DPYD: variants seen among roughly 807,000 people sequenced by gnomAD.
DPYD encodes the protein dihydropyrimidine dehydrogenase.
DPYD carries 109 observed loss-of-function variants against 116.2 expected under a neutral mutation model. The observed-to-expected ratio is 0.94, with a 90% CI of 0.80 to 1.10. The LOEUF is 1.10. Ranked by LOEUF, DPYD falls within the 50% of genes least tolerant of loss-of-function variation. DPYD has a pLI of 0.00. For synonymous variants in DPYD, 440 were observed against 432.0 expected, an observed-to-expected ratio of 1.02 and a Z score of -0.23; for missense variants, 1,302 against 1,254.5, an observed-to-expected ratio of 1.04 and a Z score of -0.57.
At chr1:97,838,758 T>A (rs2101525876) in intron 2 of DPYD, among the ~76,000 whole-genome samples, 1 of 152,024 alleles carries the variant, frequency 6.6e-6, no homozygotes, top group Admixed American at 6.6e-5. Flanking sequence ...GGCAGGAGAA[T>A]GGCGTGAACC....
intron 8 of DPYD, among the ~76,000 whole-genome samples, chr1:97,638,861 C>T (rs1166875449): frequency 1.3e-5 from 2 of 152,094 alleles, no homozygotes; most frequent in Non-Finnish European, 2.9e-5. Context: ...CATGAGGGAT[C>T]TAGTCCCATG....
At chr1:97,396,118 CTATT>C (rs1472503758) in intron 14 of DPYD, among the ~76,000 whole-genome samples, 1 of 152,016 alleles carries the variant, frequency 6.6e-6, no homozygotes, top group Admixed American at 6.6e-5. Context: ...ACAATAAGAA[CTATT>C]ACATGCTGTG....
At chr1:97,150,020 G>A (rs540811895) in intron 20 of DPYD, among the ~76,000 whole-genome samples, 26 of 152,214 alleles carry the variant, frequency 1.7e-4, no homozygotes, top group Middle Eastern at 3.4e-3. Flanking sequence ...ACCATGTGGC[G>A]TTACTTCCTC....
At chr1:97,656,966 ATTTTT>A (rs71590230) in intron 8 of DPYD, among the ~76,000 whole-genome samples, 8 of 116,506 alleles carry the variant, frequency 6.9e-5, no homozygotes, top group Admixed American at 9.1e-5. Flanking sequence ...GCATGATTGT[ATTTTT>A]TTTTTTTTTT....
chr1:97,462,692 A>T (rs1235028817), intron 13 of DPYD, among the ~76,000 whole-genome samples: 1 of 152,244 alleles, frequency 6.6e-6, no homozygotes, highest in Non-Finnish European at 1.5e-5. Context: ...TCTGAAAGGA[A>T]TTGAAGTATT....
At chr1:97,705,796 T>C (rs1038051473) in intron 5 of DPYD, among the ~76,000 whole-genome samples, 23 of 152,132 alleles carry the variant, frequency 1.5e-4, no homozygotes, top group Non-Finnish European at 5.9e-5. Context: ...CCAGCACCTG[T>C]TGTTTCCTGA....
intron 14 of DPYD, chr1:97,420,081 C>T (rs1345031369): frequency 6.7e-6 from 1 of 149,894 alleles, no homozygotes; most frequent in African/African-American, 2.5e-5. Context: ...GACCCAGGAC[C>T]ATCTTAAGAC....
chr1:97,486,153 CTAAT>C (rs35566734), intron 13 of DPYD, among the ~76,000 whole-genome samples: 8,443 of 152,140 alleles, frequency 0.055, 270 homozygotes, highest in Middle Eastern at 0.16. Flanking sequence ...TATCCAGTGA[CTAAT>C]TAAAGTATAA....
At chr1:97,627,446 C>T (rs539568937) in intron 8 of DPYD, among the ~76,000 whole-genome samples, 283 of 152,124 alleles carry the variant, frequency 1.9e-3, no homozygotes, top group Non-Finnish European at 3.5e-3. Flanking sequence ...ACTGAGAGCA[C>T]GAGGAAGCCA....
intron 8 of DPYD, among the ~76,000 whole-genome samples, chr1:97,596,736 G>A (rs1654914762): frequency 6.6e-6 from 1 of 152,170 alleles, no homozygotes; most frequent in Non-Finnish European, 1.5e-5. Context: ...GAAGGTTTCT[G>A]TGGGTTGCCT....
At chr1:97,139,807 C>T (rs1409166651) in intron 20 of DPYD, among the ~76,000 whole-genome samples, 4 of 152,146 alleles carry the variant, frequency 2.6e-5, no homozygotes, top group Non-Finnish European at 5.9e-5. Context: ...CAAATTTACT[C>T]TGTAGGTCTG....
chr1:97,305,131 A>T, intron 18 of DPYD, 128 bp downstream of exon 18: 1 of 1,322,902 alleles, frequency 7.6e-7, no homozygotes, highest in South Asian at 1.2e-5. Flanking sequence ...CATAACTATT[A>T]GGAATATTGA....
At chr1:97,522,164 A>G (rs1000667950) in intron 12 of DPYD, among the ~76,000 whole-genome samples, 2 of 152,230 alleles carry the variant, frequency 1.3e-5, no homozygotes, top group African/African-American at 4.8e-5. Flanking sequence ...CCATCTGACA[A>G]AGGGCTAATA....
intron 15 of DPYD, among the ~76,000 whole-genome samples, chr1:97,379,603 C>T (rs890091154): frequency 1.3e-5 from 2 of 152,152 alleles, no homozygotes; most frequent in East Asian, 3.9e-4. Flanking sequence ...AGTGAGAGCT[C>T]CAGGAGCACC....
rs926854436 is a variant in DPYD at position 97,805,622 on chromosome 1, A to C, written c.233+22492T>G. 2.0e-5 allele frequency among the ~76,000 whole-genome samples: 3 copies of C among 151,708 alleles called. No individual in the cohort carries two copies. In the East Asian group the frequency reaches 5.8e-4, roughly 29 times the overall value. ...AGGCCAGTGAATGTTCTCTCTGCTA[A>C]AATCTAGAAAAAGCTGGATAAACCA... On this transcript the variant is annotated intron_variant, in intron 3 of 22. Transcript: ENST00000370192.
intron 3 of DPYD, among the ~76,000 whole-genome samples, chr1:97,767,749 G>A (rs181501979): frequency 4.2e-5 from 6 of 143,014 alleles, no homozygotes; most frequent in African/African-American, 1.6e-4. Flanking sequence ...CTGAGTTTGG[G>A]GCTGGCTTTT....
chr1:97,815,668 C>T (rs1668567898), intron 3 of DPYD, among the ~76,000 whole-genome samples: 1 of 152,160 alleles, frequency 6.6e-6, no homozygotes, highest in Non-Finnish European at 1.5e-5. Flanking sequence ...TTATTGACAA[C>T]TCTTTCATTA....
chr1:97,334,057 T>A (rs1292769843), intron 16 of DPYD, among the ~76,000 whole-genome samples: 1 of 152,200 alleles, frequency 6.6e-6, no homozygotes, highest in East Asian at 1.9e-4. Context: ...AGGGATCATT[T>A]AAATATTTCA....
intron 18 of DPYD, among the ~76,000 whole-genome samples, chr1:97,241,089 G>T (rs896571838): frequency 6.6e-6 from 1 of 151,950 alleles, no homozygotes; most frequent in Non-Finnish European, 1.5e-5. Flanking sequence ...TTTAATTTTA[G>T]TTGAATTTTT....
Sources: gnomAD v4.1 joint callset for allele counts (sites outside exome capture counted in the v4.1 genomes callset) on GRCh38, gnomAD v4.1.1 for gene constraint, MANE v1.5 for transcripts, NCBI Gene and HGNC (gene_info 2026-07-23, HGNC 2026-07-21) for gene names.